Variants in MYO10 observed in about 807,000 individuals in gnomAD.
MYO10 encodes the protein myosin X.
Under a neutral mutation model 257.3 loss-of-function variants are expected in MYO10, and 133 were observed. That is an observed-to-expected ratio of 0.52 (90% CI 0.45 to 0.60). MYO10 has a LOEUF of 0.60. Ranked by LOEUF, MYO10 falls within the 20% of genes least tolerant of loss-of-function variation. The probability of loss-of-function intolerance (pLI) is 0.00; values close to 1 mark genes in which losing one functional copy is unlikely to be tolerated. For synonymous variants in MYO10, 1,104 were observed against 1,028.6 expected (o/e 1.07, Z -1.40); for missense variants, 2,399 against 2,635.7 (o/e 0.91, Z 1.97).
intron 2 of MYO10, among the ~76,000 whole-genome samples, chr5:16,861,701 T>G (rs1744114386): frequency 6.6e-6 from 1 of 152,144 alleles, no homozygotes; most frequent in African/African-American, 2.4e-5. Context: ...CAGGTACACT[T>G]AATCCCTGGG....
intron 1 of MYO10, among the ~76,000 whole-genome samples, chr5:16,917,593 C>T: frequency 6.6e-6 from 1 of 151,810 alleles, no homozygotes; most frequent in East Asian, 1.9e-4. Flanking sequence ...GTGGGTCATG[C>T]CTGTATTCCC....
chr5:16,849,490 A>G (rs1561017339), intron 2 of MYO10, among the ~76,000 whole-genome samples: 2 of 152,206 alleles, frequency 1.3e-5, no homozygotes, highest in African/African-American at 2.4e-5. Context: ...AGAGATTCTT[A>G]TAAGATTTTG....
chr5:16,728,728 G>A (rs1018380951), intron 19 of MYO10, among the ~76,000 whole-genome samples: 7 of 152,138 alleles, frequency 4.6e-5, no homozygotes, highest in Admixed American at 6.5e-5. Context: ...AAGGTCACAC[G>A]ACTACTGTGC....
rs148821257 is a variant in MYO10, at chr5:16,820,356, C to T, written c.121-2189G>A. On this transcript the variant is annotated intron_variant, in intron 2 of 40. Coordinates refer to ENST00000513610, the MANE Select transcript of MYO10 (RefSeq NM_012334.3). ...AGAGCTACAACCAGACAGGTACTTG[C>T]GTCTTCCAAAGAAAAGTGCCGACCA... is the stretch of plus-strand genomic sequence containing the variant. Among the ~76,000 whole-genome samples, 320 of 152,278 alleles carry T rather than the reference C, an allele frequency of 2.1e-3. 5 individuals carry two copies. In the East Asian group the frequency reaches 0.055, roughly 26 times the overall value.
chr5:16,784,444 G>T lies in MYO10; in HGVS notation c.468-975C>A, dbSNP rs78085695. On this transcript the variant is annotated intron_variant, in intron 4 of 40. Coordinates refer to ENST00000513610, the MANE Select transcript of MYO10 (RefSeq NM_012334.3). ...CCAGCTGCTGCCGTTGTTTAGGCCC[G>T]CGGTGGCCAGGTCCCAAACACAGTT... Among the ~76,000 whole-genome samples, 139 of 152,314 alleles carry T rather than the reference G, an allele frequency of 9.1e-4. 1 individual carries two copies. The highest frequency in any genetic ancestry group is 3.2e-3 in the African/African-American group (135 of 41,560).
chr5:16,919,371 C>T (rs1190749980), intron 1 of MYO10, among the ~76,000 whole-genome samples: 3 of 151,992 alleles, frequency 2.0e-5, no homozygotes, highest in Non-Finnish European at 4.4e-5. Flanking sequence ...GAACAAGACT[C>T]CATCTCAAAA....
intron 19 of MYO10, among the ~76,000 whole-genome samples, chr5:16,749,318 CT>C (rs1740311620): frequency 6.6e-6 from 1 of 152,030 alleles, no homozygotes; most frequent in Admixed American, 6.6e-5. Context: ...GAAAAGCCAT[CT>C]CTACTAAAAA....
chr5:16,783,331 A>ACAAG lies in MYO10; in HGVS notation c.602+3_602+4insCTTG, dbSNP rs35131059. 21 of 1,565,812 alleles carry ACAAG rather than the reference A, an allele frequency of 1.3e-5. No homozygotes were observed. Among genetic ancestry groups the ACAAG allele is most frequent in the Non-Finnish European group, 1.7e-5 (20 of 1,159,356 alleles). On this transcript the variant is annotated splice_donor_region_variant and intron_variant, in intron 5 of 40. Transcript: ENST00000513610. ...TAGTTGGAAACAAGAAAATCAATAA[A>ACAAG]TACCTGCTTTCAAGAATAGCTCGTT...
At chr5:16,791,627 A>G (rs1476836021) in intron 4 of MYO10, among the ~76,000 whole-genome samples, 1 of 152,070 alleles carries the variant, frequency 6.6e-6, no homozygotes, top group Non-Finnish European at 1.5e-5. Flanking sequence ...TGTCTAGCAA[A>G]TGATATATTA....
chr5:16,794,897 C>T, intron 3 of MYO10, 64 bp from the exon 4 acceptor site: 1 of 1,270,556 alleles, frequency 7.9e-7, no homozygotes. Flanking sequence ...TGAGCTCCAA[C>T]AAAACCCACC....
rs1742676973 is a variant in MYO10, at chr5:16,818,058, C to A, written c.230G>T (p.Gly77Val). The A allele has an allele frequency of 6.2e-6, 10 of 1,607,584 alleles. No homozygotes were observed. The highest frequency in any genetic ancestry group is 1.3e-5 in the African/African-American group (1 of 74,834). Reference protein sequence around the residue: ...DMASLTELHGGSIMYNLFQRY... With the variant: ...DMASLTELHGVSIMYNLFQRY... ...CTGGAATAAGTTATACATGATGGAG[C>A]CGCCATGGAGCTCTGTCAAGGACGC... The change falls in exon 3 of 41, where the codon GGC becomes GTC. Residue 77 changes from glycine (G) to valine (V), a missense_variant. Physicochemically the swap from Gly to Val is moderately radical, Grantham distance 109. This residue lies in a region of MYO10 where 242 missense variants were observed against 249.5 expected (regional missense o/e 0.97). Transcript: ENST00000513610.
chr5:16,901,023 G>A (rs370787390), intron 1 of MYO10, among the ~76,000 whole-genome samples: 2 of 152,012 alleles, frequency 1.3e-5, no homozygotes, highest in African/African-American at 2.4e-5. Context: ...GAGCCACCAC[G>A]CCTGGCCCCT....
Position 16,670,529 on chromosome 5 carries a change from C to T in MYO10, c.5880G>A (p.Val1960=). Residue 1960 remains valine (V), a synonymous_variant, in exon 39 of 41, where the codon GTG becomes GTA. Coordinates refer to ENST00000513610, the MANE Select transcript of MYO10 (RefSeq NM_012334.3). The part of the protein sequence containing the change: ...WPGYGSTLFD[V]ECKEGGFPQE... ...ACACACGGCAGCCAGTTCTCACCTC[C>T]ACATCAAACAGCGTCGAGCCATAGC... The T allele has an allele frequency of 6.2e-7, 1 of 1,600,288 alleles. No homozygotes were observed.
At chr5:16,758,925 A>G (rs16869106) in intron 17 of MYO10, among the ~76,000 whole-genome samples, 32,018 of 142,480 alleles carry the variant, frequency 0.22, 3,409 homozygotes, top group Middle Eastern at 0.3. Context: ...AAGCTTCCCA[A>G]TAATTTTTTT....
At chr5:16,753,001 G>A (rs758777549) in intron 19 of MYO10, among the ~76,000 whole-genome samples, 4 of 152,092 alleles carry the variant, frequency 2.6e-5, no homozygotes, top group Non-Finnish European at 4.4e-5. Context: ...ATCTTCAACA[G>A]AAAACCACTT....
At position 16,674,845 on chromosome 5, in the gene MYO10, T is replaced by C. The variant is rs544915757; in HGVS notation, c.4964+8A>G. 2 of 1,613,684 alleles carry C rather than the reference T, an allele frequency of 1.2e-6. No homozygotes were observed. The highest frequency in any genetic ancestry group is 1.7e-6 in the Non-Finnish European group (2 of 1,179,784). On this transcript the variant is annotated splice_region_variant and intron_variant, in intron 35 of 40. Transcript: ENST00000513610. ...GCCCAGCTCATCTCCCGTGCCCCCATGCTTTACCTTTTCAGATGGAACTTG... is the reference window on the plus strand; with the variant it reads ...GCCCAGCTCATCTCCCGTGCCCCCACGCTTTACCTTTTCAGATGGAACTTG...
intron 3 of MYO10, among the ~76,000 whole-genome samples, chr5:16,796,785 C>T (rs1394873994): frequency 6.6e-6 from 1 of 152,188 alleles, no homozygotes; most frequent in African/African-American, 2.4e-5. Flanking sequence ...TCCCCAAATT[C>T]ACATGCTGAA....
intron 2 of MYO10, among the ~76,000 whole-genome samples, chr5:16,863,249 T>C (rs55926335): frequency 0.084 from 12,740 of 152,230 alleles, 824 homozygotes; most frequent in African/African-American, 0.17. Context: ...GGCCAGTAAA[T>C]AGTCCTAACA....
rs1740751556 is a variant in MYO10 at position 16,762,595 on chromosome 5, G to C, written c.1537C>G (p.Pro513Ala). ...LALINEESHFPQATDSTLLEK... is the reference protein window; with the variant it reads ...LALINEESHFAQATDSTLLEK... ...AATAAGGTGCTGTCTGTGGCTTGAG[G>C]AAAATGGCTTTCTTCATTGATAAGG... is the stretch of plus-strand genomic sequence containing the variant. The change falls in exon 15 of 41, where the codon CCT becomes GCT. Residue 513 changes from proline (P) to alanine (A), a missense_variant. Transcript: ENST00000513610. The C allele has an allele frequency of 6.2e-7, 1 of 1,609,584 alleles. No individual in the cohort carries two copies. Among genetic ancestry groups the C allele is most frequent in the Admixed American group, 1.7e-5 (1 of 59,406 alleles).
Sources: gnomAD v4.1 joint callset for allele counts (sites outside exome capture counted in the v4.1 genomes callset) on GRCh38, gnomAD v4.1.1 for gene constraint, gnomAD v4.1.1 regional missense constraint, MANE v1.5 for transcripts, NCBI Gene and HGNC (gene_info 2026-07-23, HGNC 2026-07-21) for gene names.